COG4: variants seen among roughly 807,000 people sequenced by gnomAD.
COG4 encodes the protein conserved oligomeric Golgi complex subunit 4.
A neutral mutation model predicts 95.1 loss-of-function variants in COG4; 65 were observed. The observed-to-expected ratio is 0.68, with a 90% CI of 0.56 to 0.84. COG4 has a LOEUF of 0.84. COG4 is among the 40% of genes least tolerant of loss of function. The pLI, the probability that COG4 is intolerant of heterozygous loss-of-function variation, is 0.00. For synonymous variants in COG4, 421 were observed against 374.8 expected, an observed-to-expected ratio of 1.12 and a Z score of -1.42; for missense variants, 1,045 against 989.1, an observed-to-expected ratio of 1.06 and a Z score of -0.76.
At chr16:70,492,013 C>CA (rs1326641778) in intron 12 of COG4, among the ~76,000 whole-genome samples, 1 of 152,028 alleles carries the variant, frequency 6.6e-6, no homozygotes, top group Non-Finnish European at 1.5e-5. Flanking sequence ...AGATAGTAAA[C>CA]AAATGCATTA....
At chr16:70,502,477 T>C (rs1384622857) in intron 8 of COG4, among the ~76,000 whole-genome samples, 1 of 150,494 alleles carries the variant, frequency 6.6e-6, no homozygotes, top group Non-Finnish European at 1.5e-5. Flanking sequence ...GGCACATGCC[T>C]GTGATCCCAG....
chr16:70,501,925 G>C (rs886828707), intron 8 of COG4, among the ~76,000 whole-genome samples: 7 of 151,926 alleles, frequency 4.6e-5, no homozygotes, highest in African/African-American at 1.7e-4. Flanking sequence ...TCCTGCCTTG[G>C]CCTCTTGAAG....
intron 12 of COG4, among the ~76,000 whole-genome samples, chr16:70,492,202 A>C (rs2049258131): frequency 6.6e-6 from 1 of 152,180 alleles, no homozygotes; most frequent in South Asian, 2.1e-4. Flanking sequence ...CCCTTCCCCC[A>C]TAATTTGCCC....
intron 2 of COG4, among the ~76,000 whole-genome samples, chr16:70,518,021 C>T (rs921782894): frequency 5.3e-5 from 8 of 151,982 alleles, no homozygotes; most frequent in Non-Finnish European, 1.0e-4. Context: ...ACCTCCGCCT[C>T]CCGGGTTCAA....
chr16:70,505,909 C>G (rs1261334142), intron 8 of COG4, among the ~76,000 whole-genome samples: 1 of 152,080 alleles, frequency 6.6e-6, no homozygotes, highest in Admixed American at 6.6e-5. Flanking sequence ...CTTTGGGAGG[C>G]TGAGGCAGGG....
At chr16:70,512,499 G>A (rs1355266780) in intron 4 of COG4, 67 bp from the exon 5 acceptor site, 1 of 1,292,432 alleles carries the variant, frequency 7.7e-7, no homozygotes, top group African/African-American at 1.5e-5. Flanking sequence ...ATGCCACTTT[G>A]TGTAATACTA....
At chr16:70,508,006 C>T (rs74548107) in intron 8 of COG4, among the ~76,000 whole-genome samples, 59,459 of 151,444 alleles carry the variant, frequency 0.39, 12,219 homozygotes, top group South Asian at 0.66. Flanking sequence ...CTGCAACCTC[C>T]GCCTCCTGGG....
intron 13 of COG4, among the ~76,000 whole-genome samples, chr16:70,487,111 T>C (rs2049153618): frequency 6.6e-6 from 1 of 150,982 alleles, no homozygotes. Flanking sequence ...GACAGCATGG[T>C]GAAACCTCGT....
At chr16:70,490,071 G>C (rs1036078037) in intron 13 of COG4, among the ~76,000 whole-genome samples, 1 of 152,140 alleles carries the variant, frequency 6.6e-6, no homozygotes, top group African/African-American at 2.4e-5. Flanking sequence ...ACCCGCCTTG[G>C]CCTCCGAAAG....
chr16:70,496,644 G>T (rs11641683), intron 11 of COG4, among the ~76,000 whole-genome samples: 2 of 151,916 alleles, frequency 1.3e-5, no homozygotes, highest in African/African-American at 4.8e-5. Flanking sequence ...ACATACAGGG[G>T]AGACTGGCCA....
chr16:70,512,458 T>C, intron 4 of COG4, 26 bp from the exon 5 acceptor site: 1 of 1,600,672 alleles, frequency 6.2e-7, no homozygotes, highest in South Asian at 1.1e-5. Flanking sequence ...AAAATGAAAA[T>C]TCAAGTAAAG....
chr16:70,486,617 A>T (rs11863471), intron 13 of COG4, among the ~76,000 whole-genome samples: 6,437 of 152,256 alleles, frequency 0.042, 470 homozygotes, highest in African/African-American at 0.15. Context: ...ATGAATTTCT[A>T]ATATTTCCCC....
rs549020248 is a variant in COG4, at chr16:70,489,923, T to G, written c.1710+407A>C. ...ACCTCTGCCTCCCGGGTTCAAGTGA[T>G]TCTCCTGCCTCAGTTTCCCAAGCAG... On this transcript the variant is annotated intron_variant, in intron 13 of 18. Coordinates refer to ENST00000323786, the MANE Select transcript of COG4 (RefSeq NM_015386.3). Among the ~76,000 whole-genome samples, 30 of 152,272 alleles carry G rather than the reference T, an allele frequency of 2.0e-4. 1 individual carries two copies. The highest frequency in any genetic ancestry group is 8.3e-4 in the South Asian group (4 of 4,810).
intron 13 of COG4, among the ~76,000 whole-genome samples, chr16:70,487,009 A>G (rs960136569): frequency 6.8e-6 from 1 of 146,110 alleles, no homozygotes; most frequent in Admixed American, 6.9e-5. Context: ...AAAAAAAAAA[A>G]GTCAGGCATG....
At chr16:70,491,807 A>G (rs1597663043) in intron 12 of COG4, among the ~76,000 whole-genome samples, 1 of 148,632 alleles carries the variant, frequency 6.7e-6, no homozygotes, top group African/African-American at 2.5e-5. Flanking sequence ...CTCGGTGACA[A>G]GAACAAAACT....
intron 13 of COG4, among the ~76,000 whole-genome samples, chr16:70,489,881 G>A (rs545253320): frequency 1.3e-5 from 2 of 152,212 alleles, no homozygotes; most frequent in South Asian, 4.1e-4. Flanking sequence ...GCAGTGGCAC[G>A]ATCTCAGCTC....
intron 8 of COG4, among the ~76,000 whole-genome samples, chr16:70,503,315 G>C (rs577674330): frequency 1.1e-4 from 17 of 152,298 alleles, no homozygotes; most frequent in African/African-American, 3.6e-4. Context: ...GCGTCCCAAA[G>C]TGCTGGGGCT....
At chr16:70,487,677 G>T (rs1290904427) in intron 13 of COG4, among the ~76,000 whole-genome samples, 1 of 152,236 alleles carries the variant, frequency 6.6e-6, no homozygotes, top group East Asian at 1.9e-4. Flanking sequence ...GTGGAGGCAG[G>T]GCCCTGGCCT....
intron 1 of COG4, 27 bp from the exon 2 acceptor site, chr16:70,519,758 GCAGAATGAT>G (rs761050129): frequency 6.5e-7 from 1 of 1,539,004 alleles, no homozygotes; most frequent in Non-Finnish European, 9.0e-7. Flanking sequence ...CATCCTGTCA[GCAGAATGAT>G]CAGAAGGAAC....
Sources: gnomAD v4.1 joint callset for allele counts (sites outside exome capture counted in the v4.1 genomes callset) on GRCh38, gnomAD v4.1.1 for gene constraint, MANE v1.5 for transcripts, NCBI Gene and HGNC (gene_info 2026-07-23, HGNC 2026-07-21) for gene names.